Variants in CAMTA1 observed in about 807,000 individuals in gnomAD.
CAMTA1 encodes calmodulin-binding transcription activator 1.
Under a neutral mutation model 170.9 loss-of-function variants are expected in CAMTA1, and 27 were observed. The observed-to-expected ratio is 0.16, with a 90% CI of 0.12 to 0.22. The LOEUF is 0.22. Ranked by LOEUF, CAMTA1 falls within the 10% of genes least tolerant of loss-of-function variation. The probability of loss-of-function intolerance (pLI) is 1.00; values close to 1 mark genes in which losing one functional copy is unlikely to be tolerated. For synonymous variants in CAMTA1, 833 were observed against 891.5 expected, an observed-to-expected ratio of 0.93 and a Z score of 1.17; for missense variants, 1,619 against 2,217.2, an observed-to-expected ratio of 0.73 and a Z score of 5.42.
intron 6 of CAMTA1, among the ~76,000 whole-genome samples, chr1:7,586,140 G>A (rs919749555): frequency 6.6e-6 from 1 of 152,080 alleles, no homozygotes; most frequent in African/African-American, 2.4e-5. Flanking sequence ...TCCACTCCCA[G>A]CCAGGCACCT....
At chr1:6,854,903 C>G (rs903079215) in intron 3 of CAMTA1, among the ~76,000 whole-genome samples, 1 of 152,162 alleles carries the variant, frequency 6.6e-6, no homozygotes, top group Admixed American at 6.5e-5. Context: ...ATAGCAAACA[C>G]CATGTTTACT....
rs1415568142 is a variant in CAMTA1 at position 7,463,033 on chromosome 1, G to T, written c.439-4797G>T. 1.3e-5 allele frequency among the ~76,000 whole-genome samples: 2 copies of T among 152,228 alleles called. No individual in the cohort carries two copies. Among genetic ancestry groups the T allele is most frequent in the African/African-American group, 4.8e-5 (2 of 41,468 alleles). ...GGGGTCTTCGGAGGCAGCACAGGGA[G>T]GTTGTCCTGGTGAATGGCACTGTGT... On this transcript the variant is annotated intron_variant, in intron 5 of 22. Transcript: ENST00000303635. This position sits in a 1 kb window ranked among gnomAD's most constrained non-coding sequence, Gnocchi z 4.7.
At chr1:7,351,672 C>T (rs892439358) in intron 5 of CAMTA1, among the ~76,000 whole-genome samples, 4 of 152,160 alleles carry the variant, frequency 2.6e-5, no homozygotes, top group African/African-American at 9.7e-5. Context: ...TCGAGGGCAT[C>T]GTCCCCTCTC....
intron 6 of CAMTA1, among the ~76,000 whole-genome samples, chr1:7,608,788 G>A (rs2095503768): frequency 6.6e-6 from 1 of 152,052 alleles, no homozygotes; most frequent in Admixed American, 6.5e-5. Flanking sequence ...GCTTGAAAGT[G>A]GCTTCGACAG....
intron 4 of CAMTA1, among the ~76,000 whole-genome samples, chr1:7,155,390 G>GC (rs145111544): frequency 9.5e-5 from 7 of 73,922 alleles, no homozygotes; most frequent in Admixed American, 7.9e-4. Context: ...GCACCGTTGG[G>GC]GGGGGGATTG....
At chr1:7,274,722 G>A (rs368552338) in intron 5 of CAMTA1, among the ~76,000 whole-genome samples, 1 of 152,072 alleles carries the variant, frequency 6.6e-6, no homozygotes, top group Non-Finnish European at 1.5e-5. Flanking sequence ...AAAGATTACT[G>A]CTTCTCTGAC....
Position 7,732,722 on chromosome 1 carries a change from C to G in CAMTA1, c.3066+123C>G. The G allele has an allele frequency of 7.4e-7, 1 of 1,346,548 alleles. No individual in the cohort carries two copies. Among genetic ancestry groups the G allele is most frequent in the Non-Finnish European group, 1.0e-6 (1 of 1,004,900 alleles). 83.4% of individuals were successfully genotyped at this position (1,346,548 alleles called of 1,614,324 possible). A position where few individuals can be genotyped will look rare whatever the true frequency, so the allele number is the denominator to read the frequency against. On this transcript the variant is annotated intron_variant, in intron 12 of 22. Transcript: ENST00000303635. The surrounding 1 kb of genome is among the most constrained non-coding windows in gnomAD (Gnocchi z 4.1). ...CGGTCCCTGTATTCAGGCAGAAGGCCTGAGGGAGTACTTTACGGTACCTGT... is the reference window on the plus strand; with the variant it reads ...CGGTCCCTGTATTCAGGCAGAAGGCGTGAGGGAGTACTTTACGGTACCTGT...
intron 4 of CAMTA1, among the ~76,000 whole-genome samples, chr1:7,205,317 G>T (rs1245641561): frequency 6.6e-6 from 1 of 151,798 alleles, no homozygotes; most frequent in Admixed American, 6.6e-5. Flanking sequence ...TGGTCAGGCT[G>T]ATCTTGAACT....
At position 7,607,565 on chromosome 1, in the gene CAMTA1, G is replaced by A. The variant is rs117322452; in HGVS notation, c.511-32835G>A. On this transcript the variant is annotated intron_variant, in intron 6 of 22. Transcript: ENST00000303635. ...AGTGGATGGGTAGTGCATATATGGA[G>A]GGGTGGGAGAATGAGTGGATAGATG... is the stretch of plus-strand genomic sequence containing the variant. 2.2e-3 allele frequency among the ~76,000 whole-genome samples: 333 copies of A among 152,164 alleles called. 9 individuals carry two copies. In the East Asian group the frequency reaches 0.039, roughly 18 times the overall value.
At chr1:7,184,597 G>C in intron 4 of CAMTA1, among the ~76,000 whole-genome samples, 1 of 152,112 alleles carries the variant, frequency 6.6e-6, no homozygotes, top group East Asian at 1.9e-4. Flanking sequence ...TATAGGAAAG[G>C]TGAGTTAGAA....
rs181198003 is a variant in CAMTA1 at position 7,314,552 on chromosome 1, C to A, written c.438+64926C>A. On this transcript the variant is annotated intron_variant, in intron 5 of 22. Coordinates refer to ENST00000303635, the MANE Select transcript of CAMTA1 (RefSeq NM_015215.4). ...TTATTAACTCTTTTTTATCATGGAACCTGAGTGTCTTAAATGATGGTTCCC... is the reference window on the plus strand; with the variant it reads ...TTATTAACTCTTTTTTATCATGGAAACTGAGTGTCTTAAATGATGGTTCCC... 1.9e-3 allele frequency among the ~76,000 whole-genome samples: 285 copies of A among 152,252 alleles called. 1 individual carries two copies. Among genetic ancestry groups the A allele is most frequent in the African/African-American group, 6.6e-3 (273 of 41,536 alleles).
chr1:6,856,627 G>C (rs1285080830), intron 3 of CAMTA1, among the ~76,000 whole-genome samples: 1 of 152,078 alleles, frequency 6.6e-6, no homozygotes, highest in Admixed American at 6.6e-5. Context: ...TTCAAAGGGA[G>C]ACAGCCATTG....
At chr1:7,219,660 G>T (rs909393443) in intron 4 of CAMTA1, 7 of 151,474 alleles carry the variant, frequency 4.6e-5, no homozygotes, top group African/African-American at 1.2e-4. Flanking sequence ...ATAGTCTTTG[G>T]AGATGGGGTC....
intron 3 of CAMTA1, among the ~76,000 whole-genome samples, chr1:7,062,565 C>T (rs1437635359): frequency 6.6e-6 from 1 of 152,076 alleles, no homozygotes; most frequent in East Asian, 1.9e-4. Flanking sequence ...CAGGCACAGG[C>T]TCCACCGAGC....
chr1:7,484,706 A>G (rs549286428), intron 6 of CAMTA1, among the ~76,000 whole-genome samples: 4 of 152,058 alleles, frequency 2.6e-5, no homozygotes, highest in African/African-American at 9.6e-5. Flanking sequence ...GGAGAATGGC[A>G]TGAACCTGGG....
intron 7 of CAMTA1, among the ~76,000 whole-genome samples, chr1:7,656,598 C>T (rs1290820808): frequency 2.6e-5 from 4 of 152,250 alleles, no homozygotes; most frequent in African/African-American, 9.6e-5. Flanking sequence ...GTGGCTCAGG[C>T]TTAGCCTGTG....
At chr1:7,460,867 G>A (rs1750836) in intron 5 of CAMTA1, among the ~76,000 whole-genome samples, 72,357 of 151,784 alleles carry the variant, frequency 0.48, 17,488 homozygotes, top group African/African-American at 0.55. Flanking sequence ...CTTCCCTAGC[G>A]GCAGAGAGAT....
chr1:7,737,559 G>A lies in CAMTA1; in HGVS notation c.3647G>A (p.Ser1216Asn), dbSNP rs148888397. ...CCCAAGGGAGTCACTGTTATTGCAA[G>A]CACCAACCCAGGTAAGAATTCAGAA... is the stretch of plus-strand genomic sequence containing the variant. ...EIPKGVTVIASTNPELRRPRS... is the reference protein window; with the variant it reads ...EIPKGVTVIANTNPELRRPRS... Residue 1216 changes from serine (S) to asparagine (N), a missense_variant, in exon 15 of 23, where the codon AGC becomes AAC. Physicochemically the swap from Ser to Asn is conservative, Grantham distance 46. Coordinates refer to ENST00000303635, the MANE Select transcript of CAMTA1 (RefSeq NM_015215.4). The A allele has an allele frequency of 3.6e-4, 581 of 1,604,682 alleles. 3 individuals are homozygous for A. Among genetic ancestry groups the A allele is most frequent in the Non-Finnish European group, 3.0e-5 (35 of 1,174,476 alleles).
intron 1 of CAMTA1, among the ~76,000 whole-genome samples, chr1:6,801,532 A>G (rs1643839739): frequency 6.6e-6 from 1 of 152,190 alleles, no homozygotes; most frequent in Non-Finnish European, 1.5e-5. Context: ...ATAAAAATAA[A>G]AAAGTCATGA....
Sources: gnomAD v4.1 joint callset for allele counts (sites outside exome capture counted in the v4.1 genomes callset) on GRCh38, gnomAD v4.1.1 for gene constraint, Gnocchi (gnomAD v3.1) non-coding constraint, MANE v1.5 for transcripts, NCBI Gene and HGNC (gene_info 2026-07-23, HGNC 2026-07-21) for gene names.